The following SGO2 variants were observed in gnomAD, a reference collection of about 807,000 sequenced individuals.
The protein encoded by SGO2 is shugoshin-like 2.
In SGO2, 68 loss-of-function variants were observed where a neutral mutation model predicts 99.5. The observed-to-expected ratio is 0.68, with a 90% CI of 0.56 to 0.84. SGO2 has a LOEUF of 0.84. Among genes scored for constraint, SGO2 ranks in the 40% least tolerant of loss-of-function variants. SGO2 has a pLI of 0.00. For synonymous variants in SGO2, 457 were observed against 487.1 expected, an observed-to-expected ratio of 0.94 and a Z score of 0.81; for missense variants, 1,350 against 1,436.7, an observed-to-expected ratio of 0.94 and a Z score of 0.97.
chr2:200,573,865 A>G lies in SGO2; in HGVS notation c.3519A>G (p.Lys1173=), dbSNP rs755334143. 59 of 1,613,174 alleles carry G rather than the reference A, an allele frequency of 3.7e-5. No individual in the cohort carries two copies. The highest frequency in any genetic ancestry group is 1.5e-4 in the Admixed American group (9 of 59,910). ...CTTCTGGTAAAAATGTGATAATAAA[A>G]GAAAATTTTGCCTTGGAGTGCTCCC... ...SVSSGKNVII[K]ENFALECSPA... is the part of the protein sequence containing the mutation. Residue 1173 remains lysine, a synonymous_variant, in exon 7 of 9, where the codon AAA becomes AAG. Coordinates refer to ENST00000357799, the MANE Select transcript of SGO2 (RefSeq NM_152524.6).
chr2:200,546,816 A>C (rs972300005), intron 5 of SGO2, among the ~76,000 whole-genome samples: 16 of 152,304 alleles, frequency 1.1e-4, no homozygotes, highest in African/African-American at 3.8e-4. Flanking sequence ...GAAAATACAC[A>C]GTCAGAGGAG....
chr2:200,542,718 C>T (rs2032021294), intron 5 of SGO2, 54 bp downstream of exon 5: 1 of 1,436,948 alleles, frequency 7.0e-7, no homozygotes, highest in African/African-American at 1.4e-5. Context: ...TTATATAACA[C>T]AATTAGTGTT....
chr2:200,535,470 A>G (rs1336454677), intron 3 of SGO2, among the ~76,000 whole-genome samples: 1 of 152,182 alleles, frequency 6.6e-6, no homozygotes, highest in African/African-American at 2.4e-5. Context: ...AAAGATGGTC[A>G]TAGTTCTTCC....
At chr2:200,568,133 C>G (rs1261719414) in intron 5 of SGO2, among the ~76,000 whole-genome samples, 1 of 152,182 alleles carries the variant, frequency 6.6e-6, no homozygotes, top group Admixed American at 6.5e-5. Flanking sequence ...TAATAATTAT[C>G]TATTCTTGTG....
At chr2:200,567,601 A>C (rs1437348777) in intron 5 of SGO2, among the ~76,000 whole-genome samples, 1 of 152,086 alleles carries the variant, frequency 6.6e-6, no homozygotes, top group East Asian at 1.9e-4. Flanking sequence ...CATATCTATA[A>C]GCAGTCTCCA....
chr2:200,564,714 C>G lies in SGO2; in HGVS notation c.474-4949C>G, dbSNP rs552978589. On this transcript the variant is annotated intron_variant, in intron 5 of 8. Transcript: ENST00000357799. ...GGAGTCTAAGTCTCTTTGTAGGTCT[C>G]TAAGGACTTGCTTTATGAATCTGGG... Among the ~76,000 whole-genome samples, 3 of 152,306 alleles carry G rather than the reference C, an allele frequency of 2.0e-5. No individual in the cohort carries two copies. The South Asian group carries it at 6.2e-4, about 32-fold the overall frequency.
At chr2:200,556,335 A>G (rs1335983491) in intron 5 of SGO2, among the ~76,000 whole-genome samples, 1 of 152,132 alleles carries the variant, frequency 6.6e-6, no homozygotes, top group Non-Finnish European at 1.5e-5. Context: ...TTTAAATCTC[A>G]TTACCTGATT....
chr2:200,576,698 T>C (rs1293171441), intron 8 of SGO2, among the ~76,000 whole-genome samples: 5 of 152,238 alleles, frequency 3.3e-5, no homozygotes, highest in Admixed American at 3.3e-4. Context: ...CCTTTAGTTA[T>C]CACTTTCCTA....
At chr2:200,530,751 T>C (rs1233719142) in intron 1 of SGO2, among the ~76,000 whole-genome samples, 2 of 152,192 alleles carry the variant, frequency 1.3e-5, no homozygotes, top group Non-Finnish European at 2.9e-5. Flanking sequence ...ATTAACCACA[T>C]TAAAATGCTG....
intron 5 of SGO2, among the ~76,000 whole-genome samples, chr2:200,568,723 T>C (rs2033285820): frequency 6.6e-6 from 1 of 152,172 alleles, no homozygotes; most frequent in South Asian, 2.1e-4. Flanking sequence ...TGTAAAACAA[T>C]GGGAAACTCA....
intron 8 of SGO2, among the ~76,000 whole-genome samples, chr2:200,581,083 A>G (rs2033827544): frequency 6.6e-6 from 1 of 152,028 alleles, no homozygotes; most frequent in Non-Finnish European, 1.5e-5. Context: ...GAAATTATTT[A>G]TTGTAATATT....
intron 5 of SGO2, among the ~76,000 whole-genome samples, chr2:200,562,947 G>C (rs562008869): frequency 6.6e-6 from 1 of 152,296 alleles, no homozygotes; most frequent in South Asian, 2.1e-4. Flanking sequence ...ATCAGCTTAA[G>C]GAGATTTTGG....
intron 4 of SGO2, among the ~76,000 whole-genome samples, chr2:200,540,023 A>C (rs923248447): frequency 7.0e-6 from 1 of 142,528 alleles, no homozygotes; most frequent in Non-Finnish European, 1.6e-5. Flanking sequence ...ATTTTATTTT[A>C]TTTGGTTATT....
intron 5 of SGO2, among the ~76,000 whole-genome samples, chr2:200,557,723 G>A (rs2032772945): frequency 6.6e-6 from 1 of 151,884 alleles, no homozygotes; most frequent in African/African-American, 2.4e-5. Context: ...CTAATAGTTT[G>A]TGAATAAAAT....
rs771387868 is a variant in SGO2, at chr2:200,572,280, AT to A, written c.1943del (p.Phe648SerfsTer14). ...GTGGTGCATGGCCTAAAAAAAGGTA[AT>A]TTTTTTTTCAAAACCCAAGAGGATA... ...KDVVHGLKKG[N>X]FFFKTQEDKE... On this transcript the variant is annotated frameshift_variant, in exon 7 of 9. Transcript: ENST00000357799. LOFTEE classifies it high-confidence loss of function. 1.2e-5 allele frequency: 19 copies of A among 1,607,496 alleles called. No individual in the cohort carries two copies. The highest frequency in any genetic ancestry group is 4.5e-5 in the South Asian group (4 of 89,730).
intron 5 of SGO2, among the ~76,000 whole-genome samples, chr2:200,560,154 A>C (rs1048435113): frequency 6.6e-6 from 1 of 152,074 alleles, no homozygotes; most frequent in African/African-American, 2.4e-5. Flanking sequence ...TATGATTATG[A>C]ATTCATCTGT....
chr2:200,537,366 T>G (rs2031739605), intron 4 of SGO2, among the ~76,000 whole-genome samples: 1 of 152,194 alleles, frequency 6.6e-6, no homozygotes, highest in Admixed American at 6.5e-5. Context: ...CTTCTTGCCT[T>G]TACAGCAAAG....
intron 5 of SGO2, among the ~76,000 whole-genome samples, chr2:200,552,944 C>G (rs140241624): frequency 1.3e-5 from 2 of 152,072 alleles, no homozygotes; most frequent in Non-Finnish European, 2.9e-5. Flanking sequence ...CTGACACATC[C>G]GCACCCCCCC....
intron 5 of SGO2, among the ~76,000 whole-genome samples, chr2:200,555,100 C>T (rs1395624215): frequency 2.0e-4 from 30 of 152,170 alleles, no homozygotes; most frequent in Non-Finnish European, 2.9e-5. Flanking sequence ...TAAAACAATT[C>T]TTCAACCCTC....
Sources: allele counts gnomAD v4.1 joint callset (sites outside exome capture counted in the v4.1 genomes callset), GRCh38; gene constraint gnomAD v4.1.1; transcripts MANE v1.5; gene names NCBI Gene and HGNC (gene_info 2026-07-23, HGNC 2026-07-21).